NTM: variants seen among roughly 807,000 people sequenced by gnomAD.
NTM encodes IgLON family member 2.
In NTM, 13 loss-of-function variants were observed where a neutral mutation model predicts 42.1. That is an observed-to-expected ratio of 0.31 (90% CI 0.20 to 0.49). The LOEUF (loss-of-function observed/expected upper bound fraction) is 0.49, where lower values mean the gene tolerates loss of function less well. Among genes scored for constraint, NTM ranks in the 20% least tolerant of loss-of-function variants. The pLI is 0.99. For missense variants in NTM, 373 were observed against 452.8 expected (o/e 0.82, Z 1.60); for synonymous variants, 187 against 179.2 (o/e 1.04, Z -0.35).
intron 1 of NTM, among the ~76,000 whole-genome samples, chr11:131,380,950 T>A (rs1419237972): frequency 6.6e-6 from 1 of 152,200 alleles, no homozygotes; most frequent in East Asian, 1.9e-4. Context: ...TTTTTTTAGA[T>A]CCTAAATCTT....
At chr11:131,528,463 G>T (rs1467802090) in intron 1 of NTM, among the ~76,000 whole-genome samples, 1 of 152,154 alleles carries the variant, frequency 6.6e-6, no homozygotes, top group Non-Finnish European at 1.5e-5. Flanking sequence ...TAGAAGCTAG[G>T]GGATGTTAAG....
At chr11:131,567,441 T>C (rs112981729) in intron 1 of NTM, among the ~76,000 whole-genome samples, 2,370 of 151,970 alleles carry the variant, frequency 0.016, 61 homozygotes, top group African/African-American at 0.054. Flanking sequence ...TGAGGCAAGA[T>C]TGCACCACTG....
chr11:131,596,020 CCT>C (rs2137337335), intron 1 of NTM, among the ~76,000 whole-genome samples: 1 of 152,282 alleles, frequency 6.6e-6, no homozygotes, highest in East Asian at 1.9e-4. Flanking sequence ...GGAAGAATGC[CCT>C]GAGTCCTCAT....
intron 3 of NTM, among the ~76,000 whole-genome samples, chr11:132,203,085 G>A (rs1036307259): frequency 3.9e-5 from 6 of 152,294 alleles, no homozygotes; most frequent in Non-Finnish European, 5.9e-5. Flanking sequence ...GGCAGCAAGC[G>A]CATTGCTGAC....
At chr11:132,044,112 GTGTA>G (rs2077612424) in intron 2 of NTM, among the ~76,000 whole-genome samples, 3 of 84,312 alleles carry the variant, frequency 3.6e-5, no homozygotes, top group African/African-American at 1.2e-4. Flanking sequence ...ATGTGTGTAT[GTGTA>G]TGTGTGTGTA....
chr11:132,170,219 C>G lies in NTM; in HGVS notation c.400+23705C>G, dbSNP rs1487234374. 2.0e-5 allele frequency among the ~76,000 whole-genome samples: 3 copies of G among 152,224 alleles called. No individual in the cohort carries two copies. The East Asian group carries it at 5.8e-4, about 29-fold the overall frequency. ...TCATTTTCACCAATACTCTTCATGT[C>G]ACCAATAACCATAGGCCTCTAAAGA... is the stretch of plus-strand genomic sequence containing the variant. On this transcript the variant is annotated intron_variant, in intron 3 of 8. Transcript: ENST00000683400.
intron 1 of NTM, among the ~76,000 whole-genome samples, chr11:131,733,091 G>A (rs1387115064): frequency 6.6e-6 from 1 of 152,094 alleles, no homozygotes; most frequent in Non-Finnish European, 1.5e-5. Context: ...TGATAATGTT[G>A]TAAATAGTAG....
intron 1 of NTM, among the ~76,000 whole-genome samples, chr11:131,899,022 C>A (rs1045192844): frequency 6.6e-6 from 1 of 152,068 alleles, no homozygotes; most frequent in Non-Finnish European, 1.5e-5. Context: ...TAGGCTGACA[C>A]GGGGATGCAT....
At chr11:132,087,584 T>TGC (rs1244886196) in intron 2 of NTM, among the ~76,000 whole-genome samples, 1 of 152,064 alleles carries the variant, frequency 6.6e-6, no homozygotes, top group East Asian at 1.9e-4. Context: ...ATAAGCCCAG[T>TGC]GCTAAGGTAT....
At chr11:131,933,167 G>A (rs575121608) in intron 2 of NTM, among the ~76,000 whole-genome samples, 3 of 152,326 alleles carry the variant, frequency 2.0e-5, no homozygotes, top group South Asian at 2.1e-4. Context: ...TGGCAGTGAC[G>A]CTGTTTCTCC....
chr11:131,386,782 T>C (rs529795477), intron 1 of NTM, among the ~76,000 whole-genome samples: 2 of 152,304 alleles, frequency 1.3e-5, no homozygotes, highest in Non-Finnish European at 2.9e-5. Context: ...GCAGTATTAA[T>C]CACTTTTCCC....
chr11:131,878,627 ATATATATATATAT>A, intron 1 of NTM, among the ~76,000 whole-genome samples: 1 of 109,398 alleles, frequency 9.1e-6, no homozygotes, highest in African/African-American at 3.5e-5. Context: ...ATATATATAT[ATATATATATATAT>A]AATGTCTTAT....
At chr11:131,588,591 G>T (rs2059088637) in intron 1 of NTM, among the ~76,000 whole-genome samples, 1 of 152,174 alleles carries the variant, frequency 6.6e-6, no homozygotes, top group South Asian at 2.1e-4. Flanking sequence ...TGCCATCTTG[G>T]TAACTTGAGT....
chr11:131,919,240 A>G (rs368178067), intron 2 of NTM, among the ~76,000 whole-genome samples: 4 of 152,276 alleles, frequency 2.6e-5, no homozygotes, highest in East Asian at 1.9e-4. Context: ...AAAATAGAAC[A>G]TCGTCCTTGT....
In NTM at chr11:132,199,379, C is replaced by A. The variant is rs188125964; in HGVS notation, c.401-12643C>A. Among the ~76,000 whole-genome samples the A allele has an allele frequency of 2.4e-3, 366 of 152,274 alleles. 3 individuals are homozygous for A. The highest frequency in any genetic ancestry group is 8.4e-3 in the African/African-American group (350 of 41,558). On this transcript the variant is annotated intron_variant, in intron 3 of 8. Coordinates refer to ENST00000683400, the MANE Select transcript of NTM (RefSeq NM_001352005.2). ...GAGGCACAACGTTTGCTTCTATATG[C>A]TTTTCTGTAATTGGACATATTTTGG... is the stretch of plus-strand genomic sequence containing the variant.
chr11:132,055,233 G>A (rs1271936355), intron 2 of NTM, among the ~76,000 whole-genome samples: 7 of 152,112 alleles, frequency 4.6e-5, no homozygotes, highest in Non-Finnish European at 8.8e-5. Flanking sequence ...GATAATGAAC[G>A]CAGCTGTTCC....
chr11:131,640,338 T>G (rs1335407995), intron 1 of NTM, among the ~76,000 whole-genome samples: 1 of 152,140 alleles, frequency 6.6e-6, no homozygotes, highest in Non-Finnish European at 1.5e-5. Flanking sequence ...TTGAGATGCA[T>G]ATATCCTGAA....
intron 4 of NTM, among the ~76,000 whole-genome samples, chr11:132,248,110 A>G (rs2091441072): frequency 6.6e-6 from 1 of 152,080 alleles, no homozygotes; most frequent in Admixed American, 6.6e-5. Flanking sequence ...CTTTAATTCT[A>G]CCCCTTGTGA....
chr11:132,324,573 A>G (rs952831234), intron 7 of NTM, among the ~76,000 whole-genome samples: 3 of 150,830 alleles, frequency 2.0e-5, no homozygotes, highest in East Asian at 1.9e-4. Context: ...GGAAGAATCA[A>G]TATCGTGAAA....
Sources: gnomAD v4.1 joint callset for allele counts (sites outside exome capture counted in the v4.1 genomes callset) on GRCh38, gnomAD v4.1.1 for gene constraint, MANE v1.5 for transcripts, NCBI Gene and HGNC (gene_info 2026-07-23, HGNC 2026-07-21) for gene names.